RXRG: variants seen among roughly 807,000 people sequenced by gnomAD.
RXRG encodes retinoic acid receptor RXR-gamma.
Under a neutral mutation model 49.2 loss-of-function variants are expected in RXRG, and 19 were observed. The observed-to-expected ratio is 0.39, with a 90% CI of 0.27 to 0.57. The LOEUF (loss-of-function observed/expected upper bound fraction) is 0.57, where lower values mean the gene tolerates loss of function less well. Among genes scored for constraint, RXRG ranks in the 20% least tolerant of loss-of-function variants. RXRG has a pLI of 0.64. For missense variants in RXRG, 452 were observed against 592.5 expected (o/e 0.76, Z 2.46); for synonymous variants, 224 against 216.6 (o/e 1.03, Z -0.30).
chr1:165,427,029 G>T (rs1658507772), intron 2 of RXRG, among the ~76,000 whole-genome samples: 1 of 152,210 alleles, frequency 6.6e-6, no homozygotes, highest in South Asian at 2.1e-4. Context: ...CAACTAATTG[G>T]ATGATGCCCA....
chr1:165,437,346 T>A (rs890661647), intron 1 of RXRG: 6 of 613,128 alleles, frequency 9.8e-6, no homozygotes, highest in Non-Finnish European at 1.5e-5. Context: ...AGCTCTGATG[T>A]CTTCAAAATA....
chr1:165,430,100 C>T (rs1377148125), intron 1 of RXRG, among the ~76,000 whole-genome samples: 1 of 152,152 alleles, frequency 6.6e-6, no homozygotes, highest in Admixed American at 6.5e-5. Context: ...ATCCATGGCA[C>T]CCAAGCTGTC....
intron 2 of RXRG, 24 bp from the exon 3 acceptor site, chr1:165,420,038 A>C (rs745975692): frequency 2.6e-6 from 4 of 1,565,630 alleles, no homozygotes; most frequent in Non-Finnish European, 3.5e-6. Flanking sequence ...AAATACTGTA[A>C]AGCACAGAGC....
chr1:165,430,513 T>TG (rs1411996753), intron 1 of RXRG, among the ~76,000 whole-genome samples: 1 of 152,216 alleles, frequency 6.6e-6, no homozygotes, highest in Non-Finnish European at 1.5e-5. Flanking sequence ...CTAGCTTAGT[T>TG]GAGGGCTACT....
At chr1:165,414,169 T>C (rs1406247549) in intron 4 of RXRG, among the ~76,000 whole-genome samples, 2 of 152,182 alleles carry the variant, frequency 1.3e-5, no homozygotes, top group African/African-American at 4.8e-5. Context: ...TCAGGGTAAA[T>C]GGTGCCAATC....
chr1:165,437,172 G>A (rs1179599871), intron 1 of RXRG: 3 of 1,367,682 alleles, frequency 2.2e-6, no homozygotes, highest in East Asian at 9.1e-5. Context: ...GATGTGGAGA[G>A]CAGAAGTTGG....
chr1:165,428,828 AG>A lies in RXRG; in HGVS notation c.187del (p.Leu63SerfsTer38). 2 of 1,614,094 alleles carry A rather than the reference AG, an allele frequency of 1.2e-6. No individual in the cohort carries two copies. The highest frequency in any genetic ancestry group is 1.7e-6 in the Non-Finnish European group (2 of 1,179,982). On this transcript the variant is annotated frameshift_variant, in exon 2 of 10. Transcript: ENST00000359842. LOFTEE classifies it high-confidence loss of function. The stretch of plus-strand genomic sequence containing the variant: ...TCGATATGGAGAGCCCAGGGCATTG[AG>A]GGGGGTCCCCACTGCACTCAGAGTC... ...PRTLSAVGTPLNALGSPYRVI... is the reference protein window; with the variant it reads ...PRTLSAVGTPXNALGSPYRVI...
intron 2 of RXRG, among the ~76,000 whole-genome samples, chr1:165,425,568 C>T (rs1658457275): frequency 6.6e-6 from 1 of 152,182 alleles, no homozygotes; most frequent in Non-Finnish European, 1.5e-5. Flanking sequence ...TTTTACTCGC[C>T]TTCCTGGACT....
intron 3 of RXRG, among the ~76,000 whole-genome samples, chr1:165,417,841 G>T (rs958038938): frequency 6.6e-6 from 1 of 152,120 alleles, no homozygotes; most frequent in Non-Finnish European, 1.5e-5. Flanking sequence ...GGTGGCTCAC[G>T]CCTGTAATCC....
chr1:165,407,067 G>T (rs1423437605), intron 8 of RXRG, 150 bp from the exon 9 acceptor site: 3 of 587,568 alleles, frequency 5.1e-6, no homozygotes, highest in South Asian at 2.2e-5. Flanking sequence ...ATGCCCCCTT[G>T]CTCTTCTTTC....
At chr1:165,419,228 C>G (rs1049436370) in intron 3 of RXRG, among the ~76,000 whole-genome samples, 6 of 152,056 alleles carry the variant, frequency 3.9e-5, no homozygotes, top group Admixed American at 3.9e-4. Flanking sequence ...TATTGAAAAT[C>G]TAGAATGTTA....
At chr1:165,424,353 T>G (rs942236212) in intron 2 of RXRG, among the ~76,000 whole-genome samples, 1 of 152,200 alleles carries the variant, frequency 6.6e-6, no homozygotes, top group African/African-American at 2.4e-5. Flanking sequence ...ACACCTGAAT[T>G]ACCTAAGTGT....
intron 1 of RXRG, among the ~76,000 whole-genome samples, chr1:165,430,876 C>CA (rs1247905566): frequency 6.6e-6 from 1 of 152,202 alleles, no homozygotes; most frequent in Non-Finnish European, 1.5e-5. Flanking sequence ...CCCCTGCCTC[C>CA]ATTGTCTAGA....
intron 7 of RXRG, 36 bp downstream of exon 7, chr1:165,409,521 AT>A: frequency 1.4e-6 from 2 of 1,405,128 alleles, no homozygotes; most frequent in South Asian, 3.6e-5. Context: ...ACACACACAC[AT>A]AATACACACA....
At chr1:165,413,482 G>A (rs1043570048) in intron 4 of RXRG, among the ~76,000 whole-genome samples, 1 of 152,034 alleles carries the variant, frequency 6.6e-6, no homozygotes, top group Admixed American at 6.5e-5. Flanking sequence ...AGGGCATGTG[G>A]TAGGCCATGA....
At position 165,427,619 on chromosome 1, in the gene RXRG, T is replaced by A. The variant is rs182633718; in HGVS notation, c.297+1100A>T. 6.7e-3 allele frequency among the ~76,000 whole-genome samples: 1,015 copies of A among 152,248 alleles called. 18 individuals are homozygous for A. Among genetic ancestry groups the A allele is most frequent in the African/African-American group, 0.023 (966 of 41,534 alleles). On this transcript the variant is annotated intron_variant, in intron 2 of 9. Coordinates refer to ENST00000359842, the MANE Select transcript of RXRG (RefSeq NM_006917.5). ...CACCACACCGGGCTAATTTTTTGTA[T>A]TTTTAGTAGAGACGGGGTTTCACTG...
intron 3 of RXRG, among the ~76,000 whole-genome samples, chr1:165,417,677 C>T (rs1218846073): frequency 6.6e-6 from 1 of 152,116 alleles, no homozygotes; most frequent in African/African-American, 2.4e-5. Flanking sequence ...ATTTATTATC[C>T]TTTACCATAA....
chr1:165,426,753 T>C (rs1440519856), intron 2 of RXRG, among the ~76,000 whole-genome samples: 4 of 152,094 alleles, frequency 2.6e-5, no homozygotes, highest in Non-Finnish European at 5.9e-5. Flanking sequence ...TGTATATATA[T>C]ATTTTAAATT....
At position 165,401,423 on chromosome 1, in the gene RXRG, C is replaced by T. The variant is rs760922216; in HGVS notation, c.1245-13G>A. 6.2e-7 allele frequency: 1 copy of T among 1,613,392 alleles called. No homozygotes were observed. The highest frequency in any genetic ancestry group is 2.2e-5 in the East Asian group (1 of 44,870). On this transcript the variant is annotated splice_polypyrimidine_tract_variant and intron_variant, in intron 9 of 9. Coordinates refer to ENST00000359842, the MANE Select transcript of RXRG (RefSeq NM_006917.5). ...CAGCTTGGCAAACCTGCAGGGAAGC[C>T]AAGAGGCATCAGGGACAGGGACGGG...
Sources: gnomAD v4.1 joint callset for allele counts (sites outside exome capture counted in the v4.1 genomes callset) on GRCh38, gnomAD v4.1.1 for gene constraint, MANE v1.5 for transcripts, NCBI Gene and HGNC (gene_info 2026-07-23, HGNC 2026-07-21) for gene names.